MYO1D: variants seen among roughly 807,000 people sequenced by gnomAD.
The protein encoded by MYO1D is myosin ID.
Under a neutral mutation model 122.0 loss-of-function variants are expected in MYO1D, and 83 were observed. The observed-to-expected ratio is 0.68, with a 90% confidence interval of 0.57 to 0.82. MYO1D has a LOEUF of 0.82. Ranked by LOEUF, MYO1D falls within the 40% of genes least tolerant of loss-of-function variation. The pLI, the probability that MYO1D is intolerant of heterozygous loss-of-function variation, is 0.00. For missense variants in MYO1D, 1,157 were observed against 1,269.5 expected (o/e 0.91, Z 1.35); for synonymous variants, 464 against 446.9 (o/e 1.04, Z -0.48).
intron 21 of MYO1D, among the ~76,000 whole-genome samples, chr17:32,541,693 G>A (rs1910841220): frequency 6.6e-6 from 1 of 152,144 alleles, no homozygotes; most frequent in African/African-American, 2.4e-5. Flanking sequence ...AAAAATTCAT[G>A]TAAAACTTTT....
At chr17:32,716,768 C>T (rs917625107) in intron 15 of MYO1D, among the ~76,000 whole-genome samples, 14 of 152,256 alleles carry the variant, frequency 9.2e-5, no homozygotes, top group African/African-American at 3.4e-4. Flanking sequence ...GCTCAGCTCC[C>T]ATGGCAGGCA....
Position 32,776,012 on chromosome 17 carries a change from A to G in MYO1D, c.416T>C (p.Leu139Pro). ...AEVERVKNMLLKSNCVLEAFG... is the reference protein window; with the variant it reads ...AEVERVKNMLPKSNCVLEAFG... ...AGCTTCCAAAACACAGTTGGACTTA[A>G]GCAACATATTCTTCACTCTTTAACA... The change falls in exon 4 of 22, where the codon CTT (leucine) becomes CCT (proline). Residue 139 changes from leucine to proline, a missense_variant. Leu to Pro is a moderately conservative substitution (Grantham distance 98). Coordinates refer to ENST00000318217, the MANE Select transcript of MYO1D (RefSeq NM_015194.3). 1 of 1,613,884 alleles carries G rather than the reference A, an allele frequency of 6.2e-7. No individual in the cohort carries two copies. The highest frequency in any genetic ancestry group is 8.5e-7 in the Non-Finnish European group (1 of 1,179,870).
intron 14 of MYO1D, 102 bp downstream of exon 14, chr17:32,738,151 T>G (rs777493295): frequency 8.9e-6 from 9 of 1,014,626 alleles, no homozygotes; most frequent in Non-Finnish European, 1.4e-6. Flanking sequence ...TATTCTTCAA[T>G]CTACATGATT....
chr17:32,857,266 A>G (rs2091034388), intron 1 of MYO1D, among the ~76,000 whole-genome samples: 1 of 152,124 alleles, frequency 6.6e-6, no homozygotes, highest in South Asian at 2.1e-4. Context: ...CCCAACTGTA[A>G]TGAATTTAAG....
At chr17:32,663,019 G>A (rs1379073222) in intron 16 of MYO1D, among the ~76,000 whole-genome samples, 2 of 150,138 alleles carry the variant, frequency 1.3e-5, no homozygotes, top group African/African-American at 2.4e-5. Context: ...CTGGGTTCAC[G>A]CCATTCTCCT....
At chr17:32,769,304 C>T (rs1207302043) in intron 6 of MYO1D, among the ~76,000 whole-genome samples, 1 of 152,146 alleles carries the variant, frequency 6.6e-6, no homozygotes, top group Non-Finnish European at 1.5e-5. Context: ...CAGAGCTGTC[C>T]ATGAGTGTGG....
At chr17:32,674,229 C>G (rs1291433663) in intron 16 of MYO1D, among the ~76,000 whole-genome samples, 1 of 152,168 alleles carries the variant, frequency 6.6e-6, no homozygotes, top group East Asian at 1.9e-4. Context: ...ACTGGGAAAT[C>G]AGGCAATTCA....
intron 21 of MYO1D, chr17:32,510,517 T>A (rs1424176971): frequency 2.6e-5 from 4 of 152,260 alleles, no homozygotes; most frequent in African/African-American, 4.8e-5. Context: ...AGAATTTGTA[T>A]GCATTTTTTA....
intron 21 of MYO1D, among the ~76,000 whole-genome samples, chr17:32,571,628 T>C (rs865970714): frequency 4.6e-5 from 7 of 152,240 alleles, no homozygotes; most frequent in South Asian, 4.2e-4. Context: ...TGGTAGCATA[T>C]CCACTGCCAC....
rs138790910 is a variant in MYO1D, at chr17:32,562,071, G to A, written c.2864+43016C>T. On this transcript the variant is annotated intron_variant, in intron 21 of 21. Coordinates refer to ENST00000318217, the MANE Select transcript of MYO1D (RefSeq NM_015194.3). ...AGTGGCACAATCACAGCTCACTGCA[G>A]TCTTGGCCTCCTGGGTTTAAGCCAC... 1.5e-3 allele frequency among the ~76,000 whole-genome samples: 223 copies of A among 151,936 alleles called. 1 individual carries two copies. Among genetic ancestry groups the A allele is most frequent in the African/African-American group, 5.0e-3 (209 of 41,390 alleles).
At chr17:32,524,358 C>T (rs544285061) in intron 21 of MYO1D, among the ~76,000 whole-genome samples, 4 of 152,160 alleles carry the variant, frequency 2.6e-5, no homozygotes, top group South Asian at 2.1e-4. Context: ...CAAGCTCAGG[C>T]GTAGGATGGA....
At chr17:32,614,590 C>G (rs2087747936) in intron 20 of MYO1D, among the ~76,000 whole-genome samples, 1 of 152,152 alleles carries the variant, frequency 6.6e-6, no homozygotes, top group Non-Finnish European at 1.5e-5. Flanking sequence ...GTTCATCTGT[C>G]TCTCCTAATC....
At chr17:32,533,734 C>G (rs546632263) in intron 21 of MYO1D, among the ~76,000 whole-genome samples, 1 of 152,202 alleles carries the variant, frequency 6.6e-6, no homozygotes. Flanking sequence ...GTGCTGAGCT[C>G]TCTGCTCCCT....
rs138542393 is a variant in MYO1D at position 32,674,922 on chromosome 17, C to A, written c.2122-15584G>T. 2.6e-5 allele frequency among the ~76,000 whole-genome samples: 4 copies of A among 152,226 alleles called. No homozygotes were observed. In the East Asian group the frequency reaches 7.7e-4, roughly 29 times the overall value. On this transcript the variant is annotated intron_variant, in intron 16 of 21. Coordinates refer to ENST00000318217, the MANE Select transcript of MYO1D (RefSeq NM_015194.3). The stretch of plus-strand genomic sequence containing the variant: ...GAAGGGAATAATCTGGAAAAGGCTC[C>A]CATTTACTTAGGGTAAACATCAAAC...
At chr17:32,575,428 C>A (rs1218137797) in intron 21 of MYO1D, among the ~76,000 whole-genome samples, 4 of 152,112 alleles carry the variant, frequency 2.6e-5, no homozygotes, top group Admixed American at 6.5e-5. Flanking sequence ...ATTAGTGAGG[C>A]TTTATTGAAA....
At chr17:32,761,377 A>G (rs551487631) in intron 8 of MYO1D, among the ~76,000 whole-genome samples, 1 of 152,274 alleles carries the variant, frequency 6.6e-6, no homozygotes, top group Non-Finnish European at 1.5e-5. Context: ...CTACATAGAT[A>G]CTTCTCGTAC....
intron 1 of MYO1D, among the ~76,000 whole-genome samples, chr17:32,813,676 A>G (rs2151052197): frequency 6.6e-6 from 1 of 152,266 alleles, no homozygotes; most frequent in Non-Finnish European, 1.5e-5. Flanking sequence ...AGAGAGGAGA[A>G]TTAATTGCTG....
chr17:32,807,341 A>G (rs187562030), intron 1 of MYO1D, among the ~76,000 whole-genome samples: 12 of 152,260 alleles, frequency 7.9e-5, no homozygotes, highest in Admixed American at 7.8e-4. Flanking sequence ...ATAAAACTTT[A>G]TGTTCCTATA....
rs1331491136 is a variant in MYO1D, at chr17:32,876,999, C to A, written c.-127G>T. The A allele has an allele frequency of 7.9e-6, 3 of 381,714 alleles. No homozygotes were observed. Among genetic ancestry groups the A allele is most frequent in the East Asian group, 5.7e-5 (1 of 17,408 alleles). The allele number at this position is 381,714 out of a possible 1,614,324, so 23.6% of individuals were successfully genotyped here. On this transcript the variant is annotated 5_prime_UTR_variant, in exon 1 of 22. Transcript: ENST00000318217. The stretch of plus-strand genomic sequence containing the variant: ...GGCTACGGGGAGGGGGCGCGCACGC[C>A]GCTCGGCGGGTCCGGGCCGGACAGA...
Sources: allele counts gnomAD v4.1 joint callset (sites outside exome capture counted in the v4.1 genomes callset), GRCh38; gene constraint gnomAD v4.1.1; transcripts MANE v1.5; gene names NCBI Gene and HGNC (gene_info 2026-07-23, HGNC 2026-07-21).